PACRGL: variants seen among roughly 807,000 people sequenced by gnomAD.
PACRGL encodes the protein parkin coregulated like.
PACRGL carries 38 observed loss-of-function variants against 34.5 expected under a neutral mutation model. The ratio of observed to expected loss-of-function variants is 1.10; its 90% CI spans 0.85 to 1.44. The LOEUF is 1.44. PACRGL is among the 40% of genes most tolerant of loss of function. The pLI is 0.00. For synonymous variants in PACRGL, 128 were observed against 100.1 expected (o/e 1.28, Z -1.66); for missense variants, 305 against 281.4 (o/e 1.08, Z -0.60).
At chr4:20,764,530 G>T in the PACRGL span, among the ~76,000 whole-genome samples, 9 of 152,024 alleles carry the variant, frequency 5.9e-5, no homozygotes, top group Non-Finnish European at 1.2e-4. Context: ...AAGGAGAATC[G>T]TAAGACCAAC....
chr4:20,713,751 T>C (rs1738467126), intron 7 of PACRGL, among the ~76,000 whole-genome samples: 2 of 152,236 alleles, frequency 1.3e-5, no homozygotes, highest in African/African-American at 4.8e-5. Context: ...CATTTCATTA[T>C]GTACCCAGTA....
chr4:20,762,794 G>T, the PACRGL span, among the ~76,000 whole-genome samples: 1 of 152,152 alleles, frequency 6.6e-6, no homozygotes, highest in Non-Finnish European at 1.5e-5. Context: ...AGTTGTGTTA[G>T]TTCATTTCCA....
intron 8 of PACRGL, among the ~76,000 whole-genome samples, chr4:20,743,758 A>G (rs1458856457): frequency 6.6e-6 from 1 of 152,196 alleles, no homozygotes; most frequent in East Asian, 1.9e-4. Context: ...ACAAAAGCCA[A>G]AATTGACAAA....
In PACRGL at chr4:20,700,779, T is replaced by C. The variant is rs908538890; in HGVS notation, c.-25T>C. On this transcript the variant is annotated 5_prime_UTR_variant, in exon 1 of 9. Coordinates refer to ENST00000503585, the MANE Select transcript of PACRGL (RefSeq NM_001258345.3). ...CGAGAGTAGCCTTCGTTAACCTTAA[T>C]TGAAACTGGTAAACTCCTCCCTCGG... 9 of 152,178 alleles carry C rather than the reference T, an allele frequency of 5.9e-5. No individual in the cohort carries two copies. Among genetic ancestry groups the C allele is most frequent in the African/African-American group, 2.2e-4 (9 of 41,434 alleles). 9.4% of individuals were successfully genotyped at this position (152,178 alleles called of 1,614,324 possible).
At chr4:20,727,246 G>A in intron 8 of PACRGL, 39 bp from the exon 9 acceptor site, 3 of 1,550,212 alleles carry the variant, frequency 1.9e-6, no homozygotes, top group Non-Finnish European at 2.7e-6. Flanking sequence ...GGGGAACTCT[G>A]CATGATACTA....
In PACRGL at chr4:20,713,412, C is replaced by G; in HGVS notation, c.502-20C>G. The G allele has an allele frequency of 6.3e-7, 1 of 1,597,964 alleles. No homozygotes were observed. Among genetic ancestry groups the G allele is most frequent in the Non-Finnish European group, 8.6e-7 (1 of 1,166,116 alleles). On this transcript the variant is annotated intron_variant, in intron 6 of 8. Coordinates refer to ENST00000503585, the MANE Select transcript of PACRGL (RefSeq NM_001258345.3). ...CTCTTCCCTGATGTCCATACATCCCCCAACTAACCAACCTTACAGGTCCAT... is the reference window on the plus strand; with the variant it reads ...CTCTTCCCTGATGTCCATACATCCCGCAACTAACCAACCTTACAGGTCCAT...
At position 20,729,981 on chromosome 4, in the gene PACRGL, A is replaced by C; in HGVS notation, c.*2640A>C. On this transcript the variant is annotated 3_prime_UTR_variant, in exon 9 of 9. Transcript: ENST00000503585. ...AAAGCTTGTTTGCATAATATGCTTC[A>C]GTGTCAAGCTGAGCAATCTATGCTA... 7.6e-7 allele frequency: 1 copy of C among 1,317,216 alleles called. No individual in the cohort carries two copies. Among genetic ancestry groups the C allele is most frequent in the Non-Finnish European group, 1.0e-6 (1 of 978,858 alleles). The allele number at this position is 1,317,216 out of a possible 1,614,324, so 81.6% of individuals were successfully genotyped here.
chr4:20,713,367 C>T, intron 6 of PACRGL, 65 bp from the exon 7 acceptor site: 2 of 1,275,258 alleles, frequency 1.6e-6, no homozygotes, highest in South Asian at 1.3e-5. Flanking sequence ...TCTAACCTAT[C>T]TTTTCTTTCC....
Position 20,732,436 on chromosome 4 carries a change from C to G in PACRGL, c.*5095C>G, listed in dbSNP as rs1748542357. On this transcript the variant is annotated 3_prime_UTR_variant, in exon 9 of 9. Coordinates refer to ENST00000503585, the MANE Select transcript of PACRGL (RefSeq NM_001258345.3). ...GATTCTTGTAAAAACTGAATGAAAACAAAACTTGTGAAACATGAGAACTGT... is the reference window on the plus strand; with the variant it reads ...GATTCTTGTAAAAACTGAATGAAAAGAAAACTTGTGAAACATGAGAACTGT... Among the ~76,000 whole-genome samples, 1 of 152,116 alleles carries G rather than the reference C, an allele frequency of 6.6e-6. No homozygotes were observed. Among genetic ancestry groups the G allele is most frequent in the South Asian group, 2.1e-4 (1 of 4,836 alleles).
intron 5 of PACRGL, among the ~76,000 whole-genome samples, chr4:20,710,380 T>A (rs1258225598): frequency 6.6e-6 from 1 of 152,238 alleles, no homozygotes; most frequent in East Asian, 1.9e-4. Context: ...TGCTATCTTC[T>A]ATGAATTTTA....
rs186417185 is a variant in PACRGL, at chr4:20,715,272, G to T, written c.609+1733G>T. Among the ~76,000 whole-genome samples, 412 of 152,074 alleles carry T rather than the reference G, an allele frequency of 2.7e-3. 1 individual carries two copies. The highest frequency in any genetic ancestry group is 4.5e-3 in the Non-Finnish European group (308 of 67,982). On this transcript the variant is annotated intron_variant, in intron 7 of 8. Coordinates refer to ENST00000503585, the MANE Select transcript of PACRGL (RefSeq NM_001258345.3). ...GTAACATCACTCTCTGGGGACTGTT[G>T]TGGGGTGGGAGTAGTGGGGAGGGAT...
At chr4:20,705,145 T>C (rs933095939) in intron 3 of PACRGL, among the ~76,000 whole-genome samples, 3 of 150,000 alleles carry the variant, frequency 2.0e-5, no homozygotes, top group African/African-American at 7.4e-5. Context: ...AGAATGCTTT[T>C]CGTGCTTCTA....
chr4:20,744,770 TAATAAAAATATAA>T (rs1752047169), intron 8 of PACRGL, among the ~76,000 whole-genome samples: 1 of 151,920 alleles, frequency 6.6e-6, no homozygotes, highest in South Asian at 2.1e-4. Flanking sequence ...AGAATAATAA[TAATAAAAATATAA>T]AATAAAAATA....
chr4:20,702,050 C>A, intron 1 of PACRGL: 1 of 437,852 alleles, frequency 2.3e-6, no homozygotes, highest in South Asian at 1.6e-5. Context: ...ACTGTAGAAG[C>A]TCGATTTTCT....
chr4:20,705,141 C>T (rs924777026), intron 3 of PACRGL, among the ~76,000 whole-genome samples: 3 of 150,730 alleles, frequency 2.0e-5, no homozygotes, highest in Non-Finnish European at 2.9e-5. Flanking sequence ...CCACAGAATG[C>T]TTTTCGTGCT....
chr4:20,742,364 C>T (rs919550579), intron 8 of PACRGL, among the ~76,000 whole-genome samples: 3 of 152,078 alleles, frequency 2.0e-5, no homozygotes, highest in Non-Finnish European at 4.4e-5. Flanking sequence ...AAAAGCTTAT[C>T]CACCACTATC....
Position 20,724,826 on chromosome 4 carries a change from G to A in PACRGL, c.628G>A (p.Asp210Asn), listed in dbSNP as rs775548991. Reference protein sequence around the residue: ...LLTSLSKRLMDKKFKEPITSA... With the variant: ...LLTSLSKRLMNKKFKEPITSA... ...TTAAAAGCTTTCCAAGAGATTAATGGACAAGAAATTCAAAGAGCCAATCAC... is the reference window on the plus strand; with the variant it reads ...TTAAAAGCTTTCCAAGAGATTAATGAACAAGAAATTCAAAGAGCCAATCAC... Residue 210 changes from aspartate to asparagine, a missense_variant, in exon 8 of 9, where the codon GAC becomes AAC. Coordinates refer to ENST00000503585, the MANE Select transcript of PACRGL (RefSeq NM_001258345.3). The A allele has an allele frequency of 7.4e-6, 11 of 1,492,990 alleles. No individual in the cohort carries two copies. The highest frequency in any genetic ancestry group is 1.3e-5 in the South Asian group (1 of 75,580). 92.5% of individuals were successfully genotyped at this position (1,492,990 alleles called of 1,614,324 possible).
chr4:20,715,448 C>A (rs1021349148), intron 7 of PACRGL, among the ~76,000 whole-genome samples: 1 of 151,872 alleles, frequency 6.6e-6, no homozygotes, highest in Admixed American at 6.6e-5. Context: ...ATAAAAAAAA[C>A]CTTAAAAATC....
At chr4:20,724,615 C>T (rs775182585) in intron 7 of PACRGL, among the ~76,000 whole-genome samples, 193 bp from the exon 8 acceptor site, 13 of 152,118 alleles carry the variant, frequency 8.5e-5, no homozygotes, top group Middle Eastern at 3.4e-3. Context: ...TTGGTTTTAC[C>T]TGAAATAATG....
Sources: allele counts gnomAD v4.1 joint callset (sites outside exome capture counted in the v4.1 genomes callset), GRCh38; gene constraint gnomAD v4.1.1; transcripts MANE v1.5; gene names NCBI Gene and HGNC (gene_info 2026-07-23, HGNC 2026-07-21).